Variants in EPHA7 observed in about 807,000 individuals in gnomAD.
EPHA7 encodes the protein ephrin type-A receptor 7.
EPHA7 carries 25 observed loss-of-function variants against 112.6 expected under a neutral mutation model. The ratio of observed to expected loss-of-function variants is 0.22; its 90% confidence interval spans 0.16 to 0.31. The LOEUF is 0.31. Ranked by LOEUF, EPHA7 falls within the 10% of genes least tolerant of loss-of-function variation. EPHA7 has a pLI of 1.00. For synonymous variants in EPHA7, 437 were observed against 406.5 expected (o/e 1.07, Z -0.90); for missense variants, 962 against 1,212.6 (o/e 0.79, Z 3.07).
chr6:93,268,206 T>C (rs1771038988), intron 7 of EPHA7, among the ~76,000 whole-genome samples: 1 of 151,704 alleles, frequency 6.6e-6, no homozygotes, highest in African/African-American at 2.4e-5. Context: ...TTTAAACTGA[T>C]GCCTTTATGT....
rs752942156 is a variant in EPHA7, at chr6:93,245,409, G to C, written c.2771C>G (p.Thr924Ser). The change falls in exon 16 of 17, where the codon ACC (threonine) becomes AGC (serine). Residue 924 changes from threonine (T) to serine (S), a missense_variant. Thr to Ser is a moderately conservative substitution (Grantham distance 58). This residue lies in a region of EPHA7 where 746 missense variants were observed against 889.2 expected (regional missense o/e 0.84). Transcript: ENST00000369303. ...LLDQNTPDFT[T>S]FCSVGEWLQA... ...TAGCCATTCTCCAACTGAACAAAAG[G>C]TAGTGAAATCAGGAGTGTTTTGATC... The C allele has an allele frequency of 6.2e-7, 1 of 1,613,746 alleles. No homozygotes were observed. Among genetic ancestry groups the C allele is most frequent in the Admixed American group, 1.7e-5 (1 of 60,000 alleles).
At chr6:93,265,159 TATC>T (rs1313045879) in intron 7 of EPHA7, among the ~76,000 whole-genome samples, 2 of 151,612 alleles carry the variant, frequency 1.3e-5, no homozygotes, top group Non-Finnish European at 3.0e-5. Context: ...TTATCTCTCA[TATC>T]ATCAATTAAA....
chr6:93,299,405 A>C (rs1469752331), intron 5 of EPHA7, among the ~76,000 whole-genome samples: 1 of 152,060 alleles, frequency 6.6e-6, no homozygotes, highest in Non-Finnish European at 1.5e-5. Flanking sequence ...TGATCATTAG[A>C]GAAATGCAAA....
chr6:93,367,419 T>G (rs774616566), intron 3 of EPHA7, among the ~76,000 whole-genome samples: 3 of 152,160 alleles, frequency 2.0e-5, no homozygotes, highest in Non-Finnish European at 2.9e-5. Flanking sequence ...GTAGGCTCTA[T>G]GTTAAAAAAT....
At chr6:93,257,218 T>G (rs1168720670) in intron 12 of EPHA7, among the ~76,000 whole-genome samples, 1 of 152,084 alleles carries the variant, frequency 6.6e-6, no homozygotes, top group Non-Finnish European at 1.5e-5. Context: ...TCGGGCATCC[T>G]CCATACCTCA....
chr6:93,283,650 G>C (rs1229226475), intron 5 of EPHA7, among the ~76,000 whole-genome samples: 1 of 151,998 alleles, frequency 6.6e-6, no homozygotes, highest in Admixed American at 6.6e-5. Flanking sequence ...CGAAGCCAGC[G>C]AGACCAGGAG....
chr6:93,248,443 A>G (rs954844854), intron 14 of EPHA7, among the ~76,000 whole-genome samples: 2 of 152,128 alleles, frequency 1.3e-5, no homozygotes, highest in African/African-American at 4.8e-5. Flanking sequence ...AATTTATATA[A>G]GTATAAAATT....
chr6:93,268,055 G>A (rs905997766), intron 7 of EPHA7, among the ~76,000 whole-genome samples: 1 of 151,630 alleles, frequency 6.6e-6, no homozygotes, highest in African/African-American at 2.4e-5. Context: ...TTTAAATGTT[G>A]AAATCTTAAC....
In EPHA7 at chr6:93,326,677, G is replaced by T. The variant is rs953183634; in HGVS notation, c.1324+30040C>A. On this transcript the variant is annotated intron_variant, in intron 5 of 16. Transcript: ENST00000369303. ...ATCCTGGGATCCCATCATAGCATAT[G>T]ACGTGTTTGGACTAAAATCTTTCAG... Among the ~76,000 whole-genome samples, 4 of 151,480 alleles carry T rather than the reference G, an allele frequency of 2.6e-5. No homozygotes were observed. In the Admixed American group the frequency reaches 2.6e-4, roughly 10 times the overall value.
At chr6:93,302,992 T>A (rs1773068436) in intron 5 of EPHA7, among the ~76,000 whole-genome samples, 1 of 151,998 alleles carries the variant, frequency 6.6e-6, no homozygotes, top group African/African-American at 2.4e-5. Flanking sequence ...CCTGCAGGGG[T>A]AAAGACCTGC....
intron 5 of EPHA7, among the ~76,000 whole-genome samples, chr6:93,299,810 C>G (rs1772879185): frequency 6.6e-6 from 1 of 152,182 alleles, no homozygotes; most frequent in African/African-American, 2.4e-5. Context: ...AGAATGAGAT[C>G]ACGTCTTTTG....
chr6:93,289,623 CA>C (rs1007868425), intron 5 of EPHA7, among the ~76,000 whole-genome samples: 2 of 150,682 alleles, frequency 1.3e-5, no homozygotes, highest in Non-Finnish European at 3.0e-5. Flanking sequence ...GACTCCATCT[CA>C]AAAAAATAAA....
chr6:93,297,491 T>A (rs1410956877), intron 5 of EPHA7, among the ~76,000 whole-genome samples: 1 of 152,164 alleles, frequency 6.6e-6, no homozygotes, highest in Non-Finnish European at 1.5e-5. Context: ...TGGTGTTCTG[T>A]CTCTACTTAA....
At chr6:93,301,334 C>G (rs1181853460) in intron 5 of EPHA7, among the ~76,000 whole-genome samples, 1 of 151,928 alleles carries the variant, frequency 6.6e-6, no homozygotes, top group Non-Finnish European at 1.5e-5. Flanking sequence ...AGATAGATAT[C>G]TATTACTTAA....
At chr6:93,345,814 T>C (rs1256787391) in intron 5 of EPHA7, among the ~76,000 whole-genome samples, 1 of 151,748 alleles carries the variant, frequency 6.6e-6, no homozygotes, top group Non-Finnish European at 1.5e-5. Context: ...CTTTTCCTTG[T>C]AGCTCTAATT....
intron 3 of EPHA7, among the ~76,000 whole-genome samples, chr6:93,360,473 T>C (rs1221560462): frequency 1.3e-5 from 2 of 152,064 alleles, no homozygotes; most frequent in African/African-American, 2.4e-5. Context: ...TTTGATGACA[T>C]TGTGTGTATG....
intron 7 of EPHA7, among the ~76,000 whole-genome samples, chr6:93,266,960 C>G (rs545402823): frequency 4.0e-4 from 60 of 151,754 alleles, no homozygotes; most frequent in Non-Finnish European, 8.0e-4. Context: ...ATAGAGTCTG[C>G]AAGTTCAAAG....
intron 5 of EPHA7, among the ~76,000 whole-genome samples, chr6:93,342,616 C>T (rs1174603298): frequency 6.6e-6 from 1 of 151,584 alleles, no homozygotes; most frequent in Admixed American, 6.6e-5. Flanking sequence ...AAATAAAGTC[C>T]TCCTGGATGT....
intron 3 of EPHA7, among the ~76,000 whole-genome samples, chr6:93,394,853 A>G (rs184616322): frequency 1.3e-3 from 201 of 151,942 alleles, no homozygotes; most frequent in African/African-American, 4.3e-3. Flanking sequence ...GCTTTAACCT[A>G]TCTTTTCCCC....
Sources: gnomAD v4.1 joint callset for allele counts (sites outside exome capture counted in the v4.1 genomes callset) on GRCh38, gnomAD v4.1.1 for gene constraint, gnomAD v4.1.1 regional missense constraint, MANE v1.5 for transcripts, NCBI Gene and HGNC (gene_info 2026-07-23, HGNC 2026-07-21) for gene names.